PIK3R1: variants seen among roughly 807,000 people sequenced by gnomAD.
The protein encoded by PIK3R1 is phosphatidylinositol 3-kinase regulatory subunit alpha.
A neutral mutation model predicts 98.0 loss-of-function variants in PIK3R1; 29 were observed. That is an observed-to-expected ratio of 0.30 (90% confidence interval 0.22 to 0.40). The LOEUF (loss-of-function observed/expected upper bound fraction) is 0.40. PIK3R1 is among the 10% of genes least tolerant of loss of function. PIK3R1 has a pLI of 1.00. For missense variants in PIK3R1, 596 were observed against 872.7 expected (o/e 0.68, Z 3.99); for synonymous variants, 282 against 311.8 (o/e 0.90, Z 1.01).
chr5:68,296,367 T>G (rs1747714339), intron 15 of PIK3R1, 26 bp downstream of exon 15: 1 of 1,578,788 alleles, frequency 6.3e-7, no homozygotes, highest in Admixed American at 1.8e-5. Flanking sequence ...AAACTTTTCT[T>G]TACAACATCT....
At chr5:68,249,107 A>T (rs1020198451) in intron 2 of PIK3R1, among the ~76,000 whole-genome samples, 27 of 152,232 alleles carry the variant, frequency 1.8e-4, no homozygotes, top group Admixed American at 5.9e-4. Flanking sequence ...TGTTATAATC[A>T]GGCTGTGTAA....
intron 2 of PIK3R1, among the ~76,000 whole-genome samples, chr5:68,243,509 G>A (rs528871263): frequency 7.3e-4 from 111 of 152,326 alleles, no homozygotes; most frequent in Middle Eastern, 6.8e-3. Flanking sequence ...AAAAGAGGGC[G>A]GAGTTAGAAA....
chr5:68,237,182 G>A (rs1744696928), intron 2 of PIK3R1, among the ~76,000 whole-genome samples: 1 of 152,198 alleles, frequency 6.6e-6, no homozygotes, highest in South Asian at 2.1e-4. Flanking sequence ...TCCAGCATAA[G>A]AATTGTGTGT....
At chr5:68,273,300 G>A in intron 2 of PIK3R1, 90 bp from the exon 3 acceptor site, 2 of 1,209,790 alleles carry the variant, frequency 1.7e-6, no homozygotes, top group South Asian at 2.4e-5. Context: ...CGGGCCTGAT[G>A]TAATTAAATT....
intron 1 of PIK3R1, among the ~76,000 whole-genome samples, chr5:68,220,834 A>G (rs1453174728): frequency 1.3e-5 from 2 of 152,224 alleles, no homozygotes; most frequent in African/African-American, 4.8e-5. Context: ...TAATTGATAT[A>G]AAGTCCACAT....
chr5:68,223,183 C>T (rs899659883), intron 1 of PIK3R1, among the ~76,000 whole-genome samples: 3 of 150,830 alleles, frequency 2.0e-5, no homozygotes, highest in South Asian at 2.1e-4. Context: ...AATACTTAAC[C>T]GGAGTTTTAT....
chr5:68,257,469 G>A (rs569814250), intron 2 of PIK3R1, among the ~76,000 whole-genome samples: 85 of 152,332 alleles, frequency 5.6e-4, no homozygotes, highest in South Asian at 4.6e-3. Context: ...GCAAAGGCAG[G>A]CCCCACAGGG....
chr5:68,268,069 C>T (rs937791199), intron 2 of PIK3R1, among the ~76,000 whole-genome samples: 3 of 151,978 alleles, frequency 2.0e-5, no homozygotes, highest in Admixed American at 6.6e-5. Context: ...ATACTGGGCA[C>T]GATGCCTGTC....
In PIK3R1 at chr5:68,294,617, C is replaced by A. The variant is rs759347287; in HGVS notation, c.1507C>A (p.Arg503=). 8.1e-6 allele frequency: 13 copies of A among 1,611,264 alleles called. No homozygotes were observed. The East Asian group carries it at 2.7e-4, about 33-fold the overall frequency. ...TGAAGAACAGTGCCAGACCCAAGAG[C>A]GGTACAGCAAAGAATACATAGAAAA... is the stretch of plus-strand genomic sequence containing the variant. ...IFEEQCQTQE[R]YSKEYIEKFK... The change falls in exon 12 of 16, where the codon CGG becomes AGG. Residue 503 remains arginine (R), a synonymous_variant. Coordinates refer to ENST00000521381, the MANE Select transcript of PIK3R1 (RefSeq NM_181523.3).
At chr5:68,292,524 G>T (rs567627118) in intron 8 of PIK3R1, 163 bp downstream of exon 8, 18 of 1,521,190 alleles carry the variant, frequency 1.2e-5, no homozygotes, top group African/African-American at 1.4e-5. Context: ...CTGGAGAACT[G>T]TGGGTGCTGG....
intron 2 of PIK3R1, among the ~76,000 whole-genome samples, chr5:68,262,386 T>TATATATATATATATATATATATA (rs576101819): frequency 1.3e-4 from 18 of 138,516 alleles, no homozygotes; most frequent in African/African-American, 1.6e-4. Context: ...TCTATAATTT[T>TATATATATATATATATATATATA]TATATATATA....
intron 2 of PIK3R1, among the ~76,000 whole-genome samples, chr5:68,229,147 G>A (rs1339929238): frequency 2.6e-5 from 4 of 151,882 alleles, no homozygotes; most frequent in Non-Finnish European, 5.9e-5. Context: ...GGTCATGTGG[G>A]GAGTATAATA....
intron 2 of PIK3R1, among the ~76,000 whole-genome samples, chr5:68,260,225 T>G (rs1019709861): frequency 6.6e-6 from 1 of 152,148 alleles, no homozygotes; most frequent in African/African-American, 2.4e-5. Context: ...TCCAAAGAAT[T>G]AAATGACTCT....
At position 68,279,635 on chromosome 5, in the gene PIK3R1, T is replaced by C. The variant is rs771949848; in HGVS notation, c.536T>C (p.Val179Ala). 19 of 1,613,862 alleles carry C rather than the reference T, an allele frequency of 1.2e-5. No homozygotes were observed. Among genetic ancestry groups the C allele is most frequent in the East Asian group, 1.1e-4 (5 of 44,896 alleles). ...TPSVDLEMID[V>A]HVLADAFKRY... ...TCCGTGGACTTGGAAATGATCGATG[T>C]GCACGTTTTGGCTGACGCTTTCAAA... Residue 179 changes from valine to alanine, a missense_variant, in exon 5 of 16, where the codon GTG (valine) becomes GCG (alanine). By Grantham distance (64) the Val-to-Ala change is moderately conservative. This residue lies in a region of PIK3R1 where 352 missense variants were observed against 393.3 expected (regional missense o/e 0.90). Coordinates refer to ENST00000521381, the MANE Select transcript of PIK3R1 (RefSeq NM_181523.3).
At chr5:68,266,885 TG>T (rs1303213198) in intron 2 of PIK3R1, among the ~76,000 whole-genome samples, 9 of 152,236 alleles carry the variant, frequency 5.9e-5, no homozygotes, top group African/African-American at 1.9e-4. Flanking sequence ...GGCTCCTAGT[TG>T]ATGTTCAGTA....
At chr5:68,290,769 A>T (rs1438192629) in intron 7 of PIK3R1, 1 of 1,613,746 alleles carries the variant, frequency 6.2e-7, no homozygotes, top group South Asian at 1.1e-5. Flanking sequence ...CTGGATTTAG[A>T]ATATGCCAAG....
chr5:68,291,396 T>TAAC (rs1747380766), intron 7 of PIK3R1: 1 of 152,202 alleles, frequency 6.6e-6, no homozygotes, highest in Non-Finnish European at 1.5e-5. Flanking sequence ...GAAATCATTT[T>TAAC]TTGTATAAGT....
At chr5:68,286,106 T>C (rs187467667) in intron 7 of PIK3R1, among the ~76,000 whole-genome samples, 57 of 152,334 alleles carry the variant, frequency 3.7e-4, no homozygotes, top group African/African-American at 1.3e-3. Flanking sequence ...TTTGTAACTT[T>C]TGAACAGTTT....
At chr5:68,231,919 G>A (rs1744493210) in intron 2 of PIK3R1, among the ~76,000 whole-genome samples, 1 of 152,100 alleles carries the variant, frequency 6.6e-6, no homozygotes, top group Admixed American at 6.6e-5. Context: ...GAGAAAGTTG[G>A]GTCAGTTACA....
Sources: allele counts gnomAD v4.1 joint callset (sites outside exome capture counted in the v4.1 genomes callset), GRCh38; gene constraint gnomAD v4.1.1; regional missense constraint gnomAD v4.1.1; transcripts MANE v1.5; gene names NCBI Gene and HGNC (gene_info 2026-07-23, HGNC 2026-07-21).